ZNF568: variants seen among roughly 807,000 people sequenced by gnomAD.
ZNF568 encodes the protein p53 inhibitor of SCO2 activation.
In ZNF568, 11 loss-of-function variants were observed where a neutral mutation model predicts 18.1. The observed-to-expected ratio is 0.61, with a 90% confidence interval of 0.38 to 1.00. The LOEUF (loss-of-function observed/expected upper bound fraction) is 1.00, where lower values mean the gene tolerates loss of function less well. Among genes scored for constraint, ZNF568 ranks in the 50% least tolerant of loss-of-function variants. The probability of loss-of-function intolerance (pLI) is 0.01; values close to 1 mark genes in which losing one functional copy is unlikely to be tolerated. For synonymous variants in ZNF568, 213 were observed against 246.6 expected (o/e 0.86, Z 1.28); for missense variants, 639 against 768.2 (o/e 0.83, Z 1.99).
chr19:36,917,257 A>C (rs1453695286), intron 1 of ZNF568, among the ~76,000 whole-genome samples: 2 of 152,304 alleles, frequency 1.3e-5, no homozygotes, highest in Non-Finnish European at 2.9e-5. Context: ...ATTTGTTGCC[A>C]GGGCATGCTC....
intron 3 of ZNF568, among the ~76,000 whole-genome samples, chr19:36,923,081 T>C (rs2073485762): frequency 6.6e-6 from 1 of 152,200 alleles, no homozygotes; most frequent in Non-Finnish European, 1.5e-5. Flanking sequence ...TGCTGTACTA[T>C]AACATAAACA....
chr19:36,964,965 C>A (rs7250498), intron 6 of ZNF568, among the ~76,000 whole-genome samples: 30,928 of 151,956 alleles, frequency 0.2, 3,280 homozygotes, highest in African/African-American at 0.28. Flanking sequence ...TCTGCGCTCT[C>A]CTAGTTGGGA....
chr19:36,972,607 C>T (rs2074244857), intron 6 of ZNF568, among the ~76,000 whole-genome samples: 1 of 98,146 alleles, frequency 1.0e-5, no homozygotes. Flanking sequence ...ATTCCCAGCC[C>T]AAACTTAGCC....
At chr19:36,996,776 C>T in exon 5 of ZNF568, 1 of 1,550,614 alleles carries the variant, frequency 6.4e-7, no homozygotes, top group Non-Finnish European at 8.7e-7. Context: ...AGCATTAATA[C>T]TGGAGAGAAA....
chr19:36,951,047 C>T lies in ZNF568; in HGVS notation c.1894C>T (p.His632Tyr), dbSNP rs2146313429. Residue 632 changes from histidine (H) to tyrosine (Y), a missense_variant, in exon 7 of 7, where the codon CAT becomes TAT. His to Tyr is a moderately conservative substitution (Grantham distance 83). Coordinates refer to ENST00000333987, the MANE Select transcript of ZNF568 (RefSeq NM_198539.4). Reference protein sequence around the residue: ...AFSQRASLSIHKRGHTGERHQ... With the variant: ...AFSQRASLSIYKRGHTGERHQ... ...CTCTCAAAGAGCATCCCTTTCTATA[C>T]ATAAGAGAGGTCATACAGGTGAGAG... The T allele has an allele frequency of 6.3e-7, 1 of 1,594,480 alleles. No homozygotes were observed. The highest frequency in any genetic ancestry group is 8.5e-7 in the Non-Finnish European group (1 of 1,172,482).
chr19:36,917,275 GATGGGT>G (rs2073358413), intron 1 of ZNF568, among the ~76,000 whole-genome samples: 1 of 152,200 alleles, frequency 6.6e-6, no homozygotes, highest in Non-Finnish European at 1.5e-5. Flanking sequence ...CTCTGCTCCT[GATGGGT>G]CACCAGAGCG....
downstream of ZNF568, among the ~76,000 whole-genome samples, chr19:36,982,234 G>A (rs1378559917): frequency 2.6e-5 from 4 of 151,912 alleles, no homozygotes; most frequent in African/African-American, 9.7e-5. Flanking sequence ...GGTGAATATG[G>A]GCACCCTGTC....
chr19:36,966,758 G>A (rs1281908681), intron 6 of ZNF568, among the ~76,000 whole-genome samples: 1 of 152,216 alleles, frequency 6.6e-6, no homozygotes, highest in Non-Finnish European at 1.5e-5. Flanking sequence ...TCCATCAGTG[G>A]GAGGTGTGTA....
intron 6 of ZNF568, among the ~76,000 whole-genome samples, chr19:36,959,281 T>A (rs537350533): frequency 3.3e-5 from 5 of 152,278 alleles, no homozygotes; most frequent in African/African-American, 1.2e-4. Context: ...ATTATATGGT[T>A]TTTGTCCTTT....
intron 6 of ZNF568, among the ~76,000 whole-genome samples, chr19:36,972,939 C>T (rs1473447030): frequency 6.6e-6 from 1 of 152,244 alleles, no homozygotes; most frequent in Admixed American, 6.5e-5. Flanking sequence ...TCTGAAGCCT[C>T]CACGGCCCCA....
chr19:36,920,674 G>A (rs979120304), intron 2 of ZNF568, among the ~76,000 whole-genome samples: 14 of 151,800 alleles, frequency 9.2e-5, no homozygotes, highest in African/African-American at 3.4e-4. Context: ...GTAAGCTAAG[G>A]CTAATTCAAC....
At chr19:36,997,057 T>A in exon 5 of ZNF568, 1 of 1,567,340 alleles carries the variant, frequency 6.4e-7, no homozygotes, top group Admixed American at 1.9e-5. Flanking sequence ...ATGTAAGGAA[T>A]GTGGAAAGGC....
chr19:36,988,491 G>A (rs1041220698), intron 2 of ZNF568, among the ~76,000 whole-genome samples: 2 of 152,158 alleles, frequency 1.3e-5, no homozygotes, highest in African/African-American at 4.8e-5. Context: ...ACTTCACCTG[G>A]CCAGAGCAGA....
chr19:36,954,137 T>C (rs1165643087), downstream of ZNF568, among the ~76,000 whole-genome samples: 1 of 151,856 alleles, frequency 6.6e-6, no homozygotes, highest in Non-Finnish European at 1.5e-5. Context: ...GGCAGGAGAA[T>C]TGCTTGAACC....
chr19:36,982,669 G>A (rs1278422926), downstream of ZNF568, among the ~76,000 whole-genome samples: 2 of 152,050 alleles, frequency 1.3e-5, no homozygotes, highest in Non-Finnish European at 2.9e-5. Flanking sequence ...TCGCGCCATT[G>A]CACTCCAGCC....
At chr19:36,925,848 C>T (rs991049583) in intron 4 of ZNF568, among the ~76,000 whole-genome samples, 7 of 152,104 alleles carry the variant, frequency 4.6e-5, no homozygotes, top group East Asian at 1.9e-4. Context: ...ACATTGGTTA[C>T]GTACAAATCC....
intron 3 of ZNF568, among the ~76,000 whole-genome samples, chr19:36,924,406 A>G (rs921055321): frequency 6.6e-6 from 1 of 151,612 alleles, no homozygotes; most frequent in Non-Finnish European, 1.5e-5. Flanking sequence ...TTTAGTAGAG[A>G]CAGGGTTTCG....
Position 36,933,908 on chromosome 19 carries a change from T to G in ZNF568, c.136-2838T>G, listed in dbSNP as rs867896891. ...TTTTTCTTTTGGGTAGGTTTTTTTT[T>G]TTGTTTTGTTTTTTTGTTTTTTTTT... On this transcript the variant is annotated intron_variant, in intron 4 of 6. Transcript: ENST00000333987. 1.7e-4 allele frequency among the ~76,000 whole-genome samples: 6 copies of G among 35,148 alleles called. No individual in the cohort carries two copies. The South Asian group carries it at 2.4e-3, about 14-fold the overall frequency. The allele number at this position is 35,148 out of a possible 152,430, so 23.1% of individuals were successfully genotyped here. A position where few individuals can be genotyped will look rare whatever the true frequency, so the allele number is the denominator to read the frequency against.
At chr19:36,958,106 G>A (rs2074120995) in intron 6 of ZNF568, among the ~76,000 whole-genome samples, 1 of 152,128 alleles carries the variant, frequency 6.6e-6, no homozygotes, top group South Asian at 2.1e-4. Context: ...AATCAATCTT[G>A]CATTTCTGGG....
Sources: allele counts gnomAD v4.1 joint callset (sites outside exome capture counted in the v4.1 genomes callset), GRCh38; gene constraint gnomAD v4.1.1; transcripts MANE v1.5; gene names NCBI Gene and HGNC (gene_info 2026-07-23, HGNC 2026-07-21).